Variants in GRIP2 observed in about 807,000 individuals in gnomAD.
GRIP2 encodes the protein glutamate receptor interacting protein 2, also known as glutamate receptor-interacting protein 2.
In GRIP2, 58 loss-of-function variants were observed where a neutral mutation model predicts 108.3. That is an observed-to-expected ratio of 0.54 (90% confidence interval 0.43 to 0.67). GRIP2 has a LOEUF of 0.67. Ranked by LOEUF, GRIP2 falls within the 30% of genes least tolerant of loss-of-function variation. GRIP2 has a pLI of 0.00. For synonymous variants in GRIP2, 586 were observed against 598.2 expected, an observed-to-expected ratio of 0.98 and a Z score of 0.30; for missense variants, 1,278 against 1,430.6, an observed-to-expected ratio of 0.89 and a Z score of 1.72.
chr3:14,509,988 G>A, intron 16 of GRIP2, 24 bp from the exon 17 acceptor site: 9 of 1,436,790 alleles, frequency 6.3e-6, no homozygotes, highest in Non-Finnish European at 7.4e-6. Flanking sequence ...GACCCATGAG[G>A]AGGAGGCCCC....
At position 14,525,484 on chromosome 3, in the gene GRIP2, A is replaced by G; in HGVS notation, c.210T>C (p.Asp70=). The change falls in exon 3 of 24, where the codon GAT becomes GAC. Residue 70 remains aspartate (D), a synonymous_variant. Transcript: ENST00000621039. ...GLTISGGTDK[D]GKPRVSNLRP... ...TCAGGTTGGAGACCCTGGGCTTTCC[A>G]TCCTTGTCGGTGCCACCTGAGATAG... is the stretch of plus-strand genomic sequence containing the variant. 1.9e-6 allele frequency: 3 copies of G among 1,613,238 alleles called. No individual in the cohort carries two copies. The highest frequency in any genetic ancestry group is 2.5e-6 in the Non-Finnish European group (3 of 1,179,760).
rs923091243 is a variant in GRIP2, at chr3:14,511,105, G to A, written c.1933+60C>T. The A allele has an allele frequency of 1.3e-6, 2 of 1,587,436 alleles. No individual in the cohort carries two copies. Among genetic ancestry groups the A allele is most frequent in the Admixed American group, 1.7e-5 (1 of 57,488 alleles). ...TGGAGGGAGCCCTGAATTGCAAGCT[G>A]GGAACCCGCTAGTCAAAGGGTGGGC... On this transcript the variant is annotated intron_variant, in intron 16 of 23. Transcript: ENST00000621039. This position sits in a 1 kb window ranked among gnomAD's most constrained non-coding sequence, Gnocchi z 4.1.
Position 14,512,661 on chromosome 3 carries a change from T to C in GRIP2, c.1720+116A>G. The stretch of plus-strand genomic sequence containing the variant: ...AGCCTCCCCACACCCCCAAGCCTTT[T>C]CCTCGGGCCCCGCAGGGTGTCACGC... On this transcript the variant is annotated intron_variant, in intron 14 of 23. Transcript: ENST00000621039. The surrounding 1 kb of genome is among the most constrained non-coding windows in gnomAD (Gnocchi z 5.1). 1.0e-6 allele frequency: 1 copy of C among 961,240 alleles called. No individual in the cohort carries two copies. Among genetic ancestry groups the C allele is most frequent in the South Asian group, 1.6e-5 (1 of 62,808 alleles). 59.5% of individuals were successfully genotyped at this position (961,240 alleles called of 1,614,324 possible). A position where few individuals can be genotyped will look rare whatever the true frequency, so the allele number is the denominator to read the frequency against.
intron 1 of GRIP2, among the ~76,000 whole-genome samples, chr3:14,550,380 C>G (rs558180684): frequency 1.3e-5 from 2 of 152,150 alleles, no homozygotes; most frequent in Admixed American, 1.3e-4. Context: ...TCCAAGCCCT[C>G]GGCACCTCTC....
chr3:14,588,117 C>T, the GRIP2 span, among the ~76,000 whole-genome samples: 1 of 152,198 alleles, frequency 6.6e-6, no homozygotes. Flanking sequence ...ATGGCTCCTG[C>T]ACCCAACCTG....
chr3:14,566,609 C>T, the GRIP2 span, among the ~76,000 whole-genome samples: 1 of 152,176 alleles, frequency 6.6e-6, no homozygotes, highest in Non-Finnish European at 1.5e-5. Flanking sequence ...CATCATTGGA[C>T]CTCAGACCAT....
rs1694038550 is a variant in GRIP2, at chr3:14,509,976, G to C, written c.1934-12C>G. On this transcript the variant is annotated splice_polypyrimidine_tract_variant and intron_variant, in intron 16 of 23. Transcript: ENST00000621039. ...GGTCTCCAGCTCATCTGCAAGCACG[G>C]GGACCCATGAGGAGGAGGCCCCCGA... The C allele has an allele frequency of 6.8e-7, 1 of 1,477,920 alleles. No individual in the cohort carries two copies. Among genetic ancestry groups the C allele is most frequent in the Non-Finnish European group, 9.0e-7 (1 of 1,105,550 alleles). The allele number at this position is 1,477,920 out of a possible 1,614,324, so 91.6% of individuals were successfully genotyped here. A position where few individuals can be genotyped will look rare whatever the true frequency, so the allele number is the denominator to read the frequency against.
At chr3:14,552,319 A>T (rs1695163018) in intron 1 of GRIP2, among the ~76,000 whole-genome samples, 1 of 152,166 alleles carries the variant, frequency 6.6e-6, no homozygotes, top group South Asian at 2.1e-4. Flanking sequence ...TTCATCACAG[A>T]CATGCACCAC....
Position 14,522,290 on chromosome 3 carries a change from G to T in GRIP2, c.567-503C>A, listed in dbSNP as rs146318690. 327 of 153,896 alleles carry T rather than the reference G, an allele frequency of 2.1e-3. 13 individuals carry two copies. Among genetic ancestry groups the T allele is most frequent in the Admixed American group, 0.02 (310 of 15,362 alleles). The allele number at this position is 153,896 out of a possible 1,614,324, so 9.5% of individuals were successfully genotyped here. A position where few individuals can be genotyped will look rare whatever the true frequency, so the allele number is the denominator to read the frequency against. On this transcript the variant is annotated intron_variant, in intron 6 of 23. Transcript: ENST00000621039. The surrounding 1 kb of genome is among the most constrained non-coding windows in gnomAD (Gnocchi z 4.3). ...CTGATGACAACCCGCGCCTGGGAAA[G>T]AACTCAACAGGGGCCAGGGGAGGGG...
Position 14,521,821 on chromosome 3 carries a change from G to A in GRIP2, c.567-34C>T. On this transcript the variant is annotated intron_variant, in intron 6 of 23. Transcript: ENST00000621039. This position sits in a 1 kb window ranked among gnomAD's most constrained non-coding sequence, Gnocchi z 5.1. ...AAGGGCCAGTCACCAGCCTGGCCCGGCAGCAGCACTGGGCACAGCCTGTCT... is the reference window on the plus strand; with the variant it reads ...AAGGGCCAGTCACCAGCCTGGCCCGACAGCAGCACTGGGCACAGCCTGTCT... The A allele has an allele frequency of 1.9e-6, 3 of 1,542,990 alleles. No individual in the cohort carries two copies. The highest frequency in any genetic ancestry group is 1.7e-6 in the Non-Finnish European group (2 of 1,144,750).
intron 1 of GRIP2, among the ~76,000 whole-genome samples, chr3:14,529,699 A>C (rs554708144): frequency 1.3e-5 from 2 of 151,998 alleles, no homozygotes; most frequent in South Asian, 4.2e-4. Flanking sequence ...TTGAACATTC[A>C]CCTATTATTT....
chr3:14,520,267 C>CAGG lies in GRIP2; in HGVS notation c.870_872dup (p.Leu291dup). On this transcript the variant is annotated inframe_insertion, in exon 9 of 24. Coordinates refer to ENST00000621039, the MANE Select transcript of GRIP2 (RefSeq NM_001080423.4). The stretch of plus-strand genomic sequence containing the variant: ...TGGACAGGATGTGGTCTCCAGGGTG[C>CAGG]AGGGCTCCGCTCCTGGCCAGGCAGG... 1.9e-6 allele frequency: 3 copies of CAGG among 1,613,648 alleles called. No homozygotes were observed. Among genetic ancestry groups the CAGG allele is most frequent in the Non-Finnish European group, 2.5e-6 (3 of 1,179,746 alleles).
At chr3:14,568,305 C>A in the GRIP2 span, among the ~76,000 whole-genome samples, 5 of 152,166 alleles carry the variant, frequency 3.3e-5, no homozygotes, top group Non-Finnish European at 7.3e-5. Context: ...AACTAATAGA[C>A]ACCGGGACGT....
the GRIP2 span, among the ~76,000 whole-genome samples, chr3:14,593,134 G>A: frequency 7.9e-5 from 12 of 152,230 alleles, no homozygotes; most frequent in Admixed American, 5.9e-4. Flanking sequence ...TTTCCCAGCC[G>A]CTGGGGTCTC....
At chr3:14,500,986 T>C (rs1297506098) in intron 21 of GRIP2, among the ~76,000 whole-genome samples, 2 of 152,126 alleles carry the variant, frequency 1.3e-5, no homozygotes, top group African/African-American at 4.8e-5. Context: ...GTTCAGAAAA[T>C]ATATTGAAAA....
intron 1 of GRIP2, among the ~76,000 whole-genome samples, chr3:14,555,245 C>T (rs1029797419): frequency 2.0e-5 from 3 of 152,274 alleles, no homozygotes; most frequent in Admixed American, 6.5e-5. Flanking sequence ...CAACTCCCCA[C>T]GTACAGCCCC....
chr3:14,595,765 C>T, the GRIP2 span, among the ~76,000 whole-genome samples: 4 of 152,244 alleles, frequency 2.6e-5, no homozygotes, highest in Non-Finnish European at 5.9e-5. Context: ...CAGCTCCGGC[C>T]AAGCCATTTT....
intron 7 of GRIP2, chr3:14,520,951 G>T: frequency 4.9e-6 from 1 of 206,030 alleles, no homozygotes; most frequent in Non-Finnish European, 1.0e-5. Flanking sequence ...TCCTGCCCTC[G>T]CCCACCCATG....
the GRIP2 span, among the ~76,000 whole-genome samples, chr3:14,599,812 G>T: frequency 2.6e-5 from 4 of 151,308 alleles, no homozygotes; most frequent in African/African-American, 9.7e-5. Context: ...TCAGATAACA[G>T]AAGTTCAAGG....
Sources: gnomAD v4.1 joint callset for allele counts (sites outside exome capture counted in the v4.1 genomes callset) on GRCh38, gnomAD v4.1.1 for gene constraint, Gnocchi (gnomAD v3.1) non-coding constraint, MANE v1.5 for transcripts, NCBI Gene and HGNC (gene_info 2026-07-23, HGNC 2026-07-21) for gene names.